Variants in GDAP1 observed in about 807,000 individuals in gnomAD.
GDAP1 encodes the protein ganglioside-induced differentiation-associated protein 1.
Under a neutral mutation model 40.1 loss-of-function variants are expected in GDAP1, and 34 were observed. The observed-to-expected ratio is 0.85, with a 90% CI of 0.64 to 1.13. GDAP1 has a LOEUF of 1.13. Among genes scored for constraint, GDAP1 ranks in the 50% most tolerant of loss-of-function variants. The pLI is 0.00. For missense variants in GDAP1, 374 were observed against 433.7 expected (o/e 0.86, Z 1.22); for synonymous variants, 170 against 157.4 (o/e 1.08, Z -0.60).
In GDAP1 at chr8:74,365,947, A is replaced by C; in HGVS notation, c.*1580A>C. 2.2e-6 allele frequency: 1 copy of C among 453,196 alleles called. No individual in the cohort carries two copies. Among genetic ancestry groups the C allele is most frequent in the South Asian group, 1.6e-5 (1 of 64,002 alleles). 28.1% of individuals were successfully genotyped at this position (453,196 alleles called of 1,614,324 possible). A position where few individuals can be genotyped will look rare whatever the true frequency, so the allele number is the denominator to read the frequency against. ...TCCATGTATTCATTAGAGCCATAGA[A>C]GTTATTATTCATTAGTTCATAGTGT... On this transcript the variant is annotated 3_prime_UTR_variant, in exon 6 of 6. Coordinates refer to ENST00000220822, the MANE Select transcript of GDAP1 (RefSeq NM_018972.4).
intron 2 of GDAP1, among the ~76,000 whole-genome samples, chr8:74,474,308 G>A (rs1806598319): frequency 1.3e-5 from 2 of 151,968 alleles, no homozygotes; most frequent in Non-Finnish European, 2.9e-5. Context: ...TGATTGTTCT[G>A]GCCAGGACTT....
chr8:74,421,878 A>T (rs1296913002), intron 2 of GDAP1, among the ~76,000 whole-genome samples: 2 of 152,090 alleles, frequency 1.3e-5, no homozygotes, highest in African/African-American at 4.8e-5. Flanking sequence ...GCTTTTTTGG[A>T]TACATATGAC....
downstream of GDAP1, among the ~76,000 whole-genome samples, chr8:74,371,654 C>T (rs766321863): frequency 1.7e-4 from 25 of 147,298 alleles, no homozygotes; most frequent in South Asian, 8.6e-4. Context: ...AGCGAGACTC[C>T]GTCTCAAAAA....
At chr8:74,394,014 C>T (rs1425927917) in intron 2 of GDAP1, among the ~76,000 whole-genome samples, 1 of 152,048 alleles carries the variant, frequency 6.6e-6, no homozygotes, top group Non-Finnish European at 1.5e-5. Context: ...ATGTGTTAGT[C>T]CACTTTCACA....
chr8:74,389,109 C>A (rs939497517), intron 2 of GDAP1, among the ~76,000 whole-genome samples: 12 of 152,072 alleles, frequency 7.9e-5, no homozygotes, highest in African/African-American at 2.4e-4. Flanking sequence ...ATACAGCACA[C>A]TGATGGGTCT....
chr8:74,400,452 A>C (rs919267577), intron 2 of GDAP1, among the ~76,000 whole-genome samples: 1 of 149,580 alleles, frequency 6.7e-6, no homozygotes, highest in Middle Eastern at 3.4e-3. Flanking sequence ...GTGTCTCTGC[A>C]CGTGAGATGG....
chr8:74,476,293 A>G (rs1293315799), intron 2 of GDAP1, among the ~76,000 whole-genome samples: 1 of 152,132 alleles, frequency 6.6e-6, no homozygotes, highest in African/African-American at 2.4e-5. Context: ...ATTCAAGGTT[A>G]GTATTGATAT....
intron 2 of GDAP1, among the ~76,000 whole-genome samples, chr8:74,378,458 T>C (rs1809895324): frequency 6.6e-6 from 1 of 152,152 alleles, no homozygotes; most frequent in South Asian, 2.1e-4. Flanking sequence ...TCTAAAGTGG[T>C]GGCCTCCCTG....
In GDAP1 at chr8:74,365,064, A is replaced by G. The variant is rs766828605; in HGVS notation, c.*697A>G. 1.8e-5 allele frequency: 8 copies of G among 453,878 alleles called. No individual in the cohort carries two copies. 28.1% of individuals were successfully genotyped at this position (453,878 alleles called of 1,614,324 possible). ...TGAGATACCATTCCTCTGGATGGTC[A>G]TGTCCAGTCAGTGGGAGGTAGAAAG... On this transcript the variant is annotated 3_prime_UTR_variant, in exon 6 of 6. Transcript: ENST00000220822.
Position 74,428,773 on chromosome 8 carries a change from A to G in GDAP1, c.166-59905A>G, listed in dbSNP as rs1048438055. Among the ~76,000 whole-genome samples the G allele has an allele frequency of 6.1e-5, 9 of 148,000 alleles. No homozygotes were observed. In the South Asian group the frequency reaches 2.0e-3, roughly 32 times the overall value. ...CTGAGATTACAGACATGAGCCACCC[A>G]TGCCTGGCCCAGAGGTTTGTTTTGT... On this transcript the variant is annotated intron_variant, in intron 2 of 2. Transcript: ENST00000523640.
rs756417824 is a variant in GDAP1 at position 74,365,939 on chromosome 8, G to A, written c.*1572G>A. 12 of 453,298 alleles carry A rather than the reference G, an allele frequency of 2.6e-5. No individual in the cohort carries two copies. The highest frequency in any genetic ancestry group is 1.6e-4 in the Admixed American group (7 of 42,436). 28.1% of individuals were successfully genotyped at this position (453,298 alleles called of 1,614,324 possible). On this transcript the variant is annotated 3_prime_UTR_variant, in exon 6 of 6. Coordinates refer to ENST00000220822, the MANE Select transcript of GDAP1 (RefSeq NM_018972.4). ...CATACCAATCCATGTATTCATTAGAGCCATAGAAGTTATTATTCATTAGTT... is the reference window on the plus strand; with the variant it reads ...CATACCAATCCATGTATTCATTAGAACCATAGAAGTTATTATTCATTAGTT...
intron 2 of GDAP1, among the ~76,000 whole-genome samples, chr8:74,466,431 G>A (rs547289251): frequency 6.6e-6 from 1 of 152,322 alleles, no homozygotes; most frequent in East Asian, 1.9e-4. Context: ...GTGAAGATCA[G>A]TTAACAGGCT....
Position 74,351,486 on chromosome 8 carries a change from C to G in GDAP1, c.310+20C>G, listed in dbSNP as rs747666581. The G allele has an allele frequency of 1.7e-5, 26 of 1,561,550 alleles. No homozygotes were observed. Among genetic ancestry groups the G allele is most frequent in the African/African-American group, 2.7e-5 (2 of 73,926 alleles). On this transcript the variant is annotated intron_variant, in intron 2 of 5. Transcript: ENST00000220822. ...TGGATGGTAATGTTAAGGCTACTTGCGATTTCTTGGATTTACTTTCAACAC... is the reference window on the plus strand; with the variant it reads ...TGGATGGTAATGTTAAGGCTACTTGGGATTTCTTGGATTTACTTTCAACAC...
rs925381543 is a variant in GDAP1, at chr8:74,366,358, C to T, written c.*1991C>T. 4.4e-6 allele frequency: 2 copies of T among 454,354 alleles called. No individual in the cohort carries two copies. The highest frequency in any genetic ancestry group is 2.3e-5 in the Admixed American group (1 of 42,560). The allele number at this position is 454,354 out of a possible 1,614,324, so 28.1% of individuals were successfully genotyped here. On this transcript the variant is annotated 3_prime_UTR_variant, in exon 6 of 6. Transcript: ENST00000220822. ...AGCAACTCTTCTAAAATGTTTCAAG[C>T]AAAGATAGTAATGACCTCAGTTTCT...
chr8:74,425,722 A>G (rs1409845363), intron 2 of GDAP1, among the ~76,000 whole-genome samples: 2 of 152,226 alleles, frequency 1.3e-5, no homozygotes, highest in Non-Finnish European at 2.9e-5. Flanking sequence ...AACCTCTACT[A>G]TGTGGAAGAT....
At chr8:74,437,077 G>T (rs1259845410) in intron 2 of GDAP1, among the ~76,000 whole-genome samples, 1 of 152,164 alleles carries the variant, frequency 6.6e-6, no homozygotes, top group Non-Finnish European at 1.5e-5. Flanking sequence ...AAACACAGAG[G>T]TGAACAACTG....
chr8:74,462,874 C>T lies in GDAP1; in HGVS notation c.166-25804C>T, dbSNP rs575256542. 7.9e-5 allele frequency among the ~76,000 whole-genome samples: 12 copies of T among 150,984 alleles called. No individual in the cohort carries two copies. The East Asian group carries it at 1.8e-3, about 23-fold the overall frequency. ...CATTTGAGTGATGAAGTGACAAGGA[C>T]GTAAGTTGAAATCAATACAAATACA... On this transcript the variant is annotated intron_variant, in intron 2 of 2. Coordinates refer to the GDAP1 transcript ENST00000523640.
intron 4 of GDAP1, among the ~76,000 whole-genome samples, chr8:74,362,319 A>AGGG (rs1809408661): frequency 6.6e-6 from 1 of 152,090 alleles, no homozygotes; most frequent in Non-Finnish European, 1.5e-5. Flanking sequence ...TGTCGCCCTG[A>AGGG]CTTGCTTTGC....
At chr8:74,395,751 T>C (rs1810187979) in intron 2 of GDAP1, among the ~76,000 whole-genome samples, 1 of 152,194 alleles carries the variant, frequency 6.6e-6, no homozygotes, top group Admixed American at 6.5e-5. Context: ...TGTATCTGTA[T>C]CTCTAGTCAT....
Sources: gnomAD v4.1 joint callset for allele counts (sites outside exome capture counted in the v4.1 genomes callset) on GRCh38, gnomAD v4.1.1 for gene constraint, MANE v1.5 for transcripts, NCBI Gene and HGNC (gene_info 2026-07-23, HGNC 2026-07-21) for gene names.